C11orf58: variants seen among roughly 807,000 people sequenced by gnomAD.
C11orf58 encodes the protein small acidic protein.
Under a neutral mutation model 22.7 loss-of-function variants are expected in C11orf58, and 5 were observed. The ratio of observed to expected loss-of-function variants is 0.22; its 90% CI spans 0.12 to 0.46. C11orf58 has a LOEUF of 0.46. Among genes scored for constraint, C11orf58 ranks in the 20% least tolerant of loss-of-function variants. C11orf58 has a pLI of 0.99. For synonymous variants in C11orf58, 71 were observed against 70.7 expected (o/e 1.00, Z -0.02); for missense variants, 151 against 223.3 (o/e 0.68, Z 2.06).
intron 2 of C11orf58, among the ~76,000 whole-genome samples, chr11:16,745,043 T>C (rs1848477167): frequency 6.6e-6 from 1 of 152,174 alleles, no homozygotes; most frequent in South Asian, 2.1e-4. Context: ...CTGGCCAAAG[T>C]GAAAAGGCTG....
chr11:16,754,037 T>G (rs1255521732), intron 4 of C11orf58: 1 of 418,824 alleles, frequency 2.4e-6, no homozygotes, highest in Non-Finnish European at 4.3e-6. Flanking sequence ...TGCTCACAAG[T>G]TAAGTAAAAT....
intron 3 of C11orf58, chr11:16,750,790 T>G (rs968296106): frequency 1.3e-5 from 2 of 152,834 alleles, no homozygotes; most frequent in Non-Finnish European, 2.9e-5. Context: ...TCAGGAAAAC[T>G]GAATTGGTCA....
In C11orf58 at chr11:16,755,296, GAGTA is replaced by G. The variant is rs1848567934; in HGVS notation, c.*195_*198del. ...GCATGACTATAACCATTTTTGTAAA[GAGTA>G]AGAGTTGTATAAAATAAGAAATAAA... is the stretch of plus-strand genomic sequence containing the variant. On this transcript the variant is annotated 3_prime_UTR_variant, in exon 5 of 5. Coordinates refer to ENST00000228136, the MANE Select transcript of C11orf58 (RefSeq NM_014267.6). 3.6e-6 allele frequency: 2 copies of G among 554,244 alleles called. No homozygotes were observed. The highest frequency in any genetic ancestry group is 6.1e-6 in the Non-Finnish European group (2 of 325,746). 34.3% of individuals were successfully genotyped at this position (554,244 alleles called of 1,614,324 possible). A position where few individuals can be genotyped will look rare whatever the true frequency, so the allele number is the denominator to read the frequency against.
intron 1 of C11orf58, chr11:16,739,523 G>A (rs1033168609): frequency 2.0e-5 from 3 of 152,248 alleles, no homozygotes; most frequent in East Asian, 1.9e-4. Context: ...AATAGCAAAC[G>A]GTTTATCCCT....
rs55803725 is a variant in C11orf58 at position 16,756,908 on chromosome 11, C to CA, written c.*1824dup. The CA allele has an allele frequency of 0.016, 1,597 of 96,956 alleles. 15 individuals are homozygous for CA. The highest frequency in any genetic ancestry group is 0.025 in the Middle Eastern group (4 of 162). 6.0% of individuals were successfully genotyped at this position (96,956 alleles called of 1,614,324 possible). ...GGGCAACAAGAGCAAAACTCCATCT[C>CA]AAAAAAAAAAAAAAAAAAAATTTAG... On this transcript the variant is annotated 3_prime_UTR_variant, in exon 5 of 5. Transcript: ENST00000228136.
intron 1 of C11orf58, chr11:16,739,637 GC>G (rs1848429037): frequency 6.6e-6 from 1 of 152,104 alleles, no homozygotes; most frequent in Non-Finnish European, 1.5e-5. Context: ...CTAGCTCCTA[GC>G]CCAGTGTCAT....
chr11:16,755,140 C>T lies in C11orf58; in HGVS notation c.*36C>T, dbSNP rs1447928491. 1 of 1,603,674 alleles carries T rather than the reference C, an allele frequency of 6.2e-7. No individual in the cohort carries two copies. Among genetic ancestry groups the T allele is most frequent in the Non-Finnish European group, 8.5e-7 (1 of 1,174,650 alleles). On this transcript the variant is annotated 3_prime_UTR_variant, in exon 5 of 5. Coordinates refer to ENST00000228136, the MANE Select transcript of C11orf58 (RefSeq NM_014267.6). Reference sequence around the variant, plus strand: ...CTTAGTCTTTGTATTAAAAGTAAGCCTTATTGTTACAATGCACAGTGGAGG... The same window carrying T: ...CTTAGTCTTTGTATTAAAAGTAAGCTTTATTGTTACAATGCACAGTGGAGG...
chr11:16,744,961 T>C (rs1037599819), intron 2 of C11orf58, among the ~76,000 whole-genome samples: 2 of 152,218 alleles, frequency 1.3e-5, no homozygotes, highest in African/African-American at 4.8e-5. Flanking sequence ...TCAAAGTTTA[T>C]GATTTGCCAT....
In C11orf58 at chr11:16,752,800, AAATT is replaced by A; in HGVS notation, c.228_231del (p.Ile76MetfsTer31). ...GGACATGCAGGGGAAGAAGACAAGA[AAATT>A]AATGAAGAACTGGAGTCTCAATATC... On this transcript the variant is annotated frameshift_variant, in exon 4 of 5. Coordinates refer to ENST00000228136, the MANE Select transcript of C11orf58 (RefSeq NM_014267.6). LOFTEE classifies it high-confidence loss of function. 6.2e-7 allele frequency: 1 copy of A among 1,609,680 alleles called. No homozygotes were observed. The highest frequency in any genetic ancestry group is 8.5e-7 in the Non-Finnish European group (1 of 1,178,396).
At chr11:16,748,419 A>G (rs952758281) in intron 3 of C11orf58, 3 of 234,288 alleles carry the variant, frequency 1.3e-5, no homozygotes, top group Non-Finnish European at 1.6e-5. Context: ...ACAGAGCAAG[A>G]CCTCATCTCT....
intron 3 of C11orf58, 89 bp downstream of exon 3, chr11:16,748,246 G>A (rs1564884143): frequency 8.9e-7 from 1 of 1,117,650 alleles, no homozygotes; most frequent in Non-Finnish European, 1.3e-6. Flanking sequence ...ACTTTGGCAT[G>A]TAATTGTGTA....
intron 3 of C11orf58, 162 bp downstream of exon 3, chr11:16,748,319 T>C (rs532658308): frequency 1.2e-4 from 68 of 553,380 alleles, no homozygotes; most frequent in Non-Finnish European, 1.9e-4. Flanking sequence ...TCCCGGTTAT[T>C]TGGGAGGTTA....
At position 16,748,156 on chromosome 11, in the gene C11orf58, C is replaced by T. The variant is rs368944924; in HGVS notation, c.207C>T (p.Thr69=). ...ACAAATCAACATCTCACTTCCGAAC[C>T]GGTAAGAAAGTAAAGTGTAATTAAA... ...GDHKSTSHFR[T]GEEDKKINEE... The change falls in exon 3 of 5, where the codon ACC becomes ACT. Residue 69 remains threonine (T), a splice_region_variant and synonymous_variant. Transcript: ENST00000228136. 675 of 1,609,714 alleles carry T rather than the reference C, an allele frequency of 4.2e-4. 9 individuals are homozygous for T. In the South Asian group the frequency reaches 6.2e-3, roughly 15 times the overall value.
chr11:16,738,804 C>A lies in C11orf58; in HGVS notation c.26C>A (p.Pro9Gln). 1 of 1,614,120 alleles carries A rather than the reference C, an allele frequency of 6.2e-7. No individual in the cohort carries two copies. The highest frequency in any genetic ancestry group is 1.1e-5 in the South Asian group (1 of 91,076). ...ATGAGTGCTGCCAGAGAGTCTCACC[C>A]GCATGGGGTGAAGCGTTCAGCCTCC... MSAARESH[P>Q]HGVKRSASPD... is the part of the protein sequence containing the mutation. Residue 9 changes from proline (P) to glutamine (Q), a missense_variant, in exon 1 of 5, where the codon CCG becomes CAG. By Grantham distance (76) the Pro-to-Gln change is moderately conservative (BLOSUM62 -1). Transcript: ENST00000228136.
chr11:16,749,056 T>C (rs1451640526), intron 3 of C11orf58: 3 of 152,214 alleles, frequency 2.0e-5, no homozygotes, highest in Non-Finnish European at 4.4e-5. Flanking sequence ...CTTTGAAGAA[T>C]ATAAACTAGT....
At chr11:16,741,664 G>A (rs1351505540) in intron 1 of C11orf58, among the ~76,000 whole-genome samples, 1 of 152,176 alleles carries the variant, frequency 6.6e-6, no homozygotes, top group Non-Finnish European at 1.5e-5. Context: ...CCCTTGGCTT[G>A]CATTACCACC....
Position 16,757,150 on chromosome 11 carries a change from G to T in C11orf58, c.*2046G>T, listed in dbSNP as rs1848586320. On this transcript the variant is annotated 3_prime_UTR_variant, in exon 5 of 5. Transcript: ENST00000228136. The stretch of plus-strand genomic sequence containing the variant: ...ATGACATTTAACAAATACTTGGTTT[G>T]AAAAAGTTTGGCTTTATTCAACAAT... Among the ~76,000 whole-genome samples, 1 of 151,908 alleles carries T rather than the reference G, an allele frequency of 6.6e-6. No homozygotes were observed. Among genetic ancestry groups the T allele is most frequent in the Non-Finnish European group, 1.5e-5 (1 of 67,976 alleles).
intron 3 of C11orf58, chr11:16,751,232 G>T (rs1178011620): frequency 6.6e-6 from 1 of 152,142 alleles, no homozygotes; most frequent in Non-Finnish European, 1.5e-5. Context: ...AGGCATGGTG[G>T]GTCACGCCTG....
intron 1 of C11orf58, among the ~76,000 whole-genome samples, chr11:16,741,563 T>C (rs1189366079): frequency 6.6e-6 from 1 of 152,190 alleles, no homozygotes; most frequent in Non-Finnish European, 1.5e-5. Flanking sequence ...AAGGCAGGGC[T>C]CTCCAACCCC....
Sources: allele counts gnomAD v4.1 joint callset (sites outside exome capture counted in the v4.1 genomes callset), GRCh38; gene constraint gnomAD v4.1.1; transcripts MANE v1.5; gene names NCBI Gene and HGNC (gene_info 2026-07-23, HGNC 2026-07-21).